The following RAB5IF variants were observed in gnomAD, a reference collection of about 807,000 sequenced individuals.
RAB5IF encodes the protein RAB5 interacting factor.
Under a neutral mutation model 20.3 loss-of-function variants are expected in RAB5IF, and 15 were observed. The ratio of observed to expected loss-of-function variants is 0.74; its 90% confidence interval spans 0.50 to 1.14. The LOEUF is 1.14. Ranked by LOEUF, RAB5IF falls within the 50% of genes most tolerant of loss-of-function variation. The probability of loss-of-function intolerance (pLI) is 0.00; values close to 1 mark genes in which losing one functional copy is unlikely to be tolerated. For missense variants in RAB5IF, 148 were observed against 159.5 expected, an observed-to-expected ratio of 0.93 and a Z score of 0.39; for synonymous variants, 67 against 63.7, an observed-to-expected ratio of 1.05 and a Z score of -0.25.
rs747875227 is a variant in RAB5IF, at chr20:36,612,153, A to C, written c.*102A>C. The C allele has an allele frequency of 1.9e-6, 3 of 1,614,176 alleles. No individual in the cohort carries two copies. Among genetic ancestry groups the C allele is most frequent in the South Asian group, 2.2e-5 (2 of 91,086 alleles). Reference sequence around the variant, plus strand: ...GGAACCCCAGCCCCTTGGAACTTGGAAGACCCGTGTTTCCTGGACCGCGAA... The same window carrying C: ...GGAACCCCAGCCCCTTGGAACTTGGCAGACCCGTGTTTCCTGGACCGCGAA... On this transcript the variant is annotated 3_prime_UTR_variant, in exon 4 of 4. Coordinates refer to ENST00000344795, the MANE Select transcript of RAB5IF (RefSeq NM_018840.5).
chr20:36,609,156 T>TACATACATACATACACACACACACAC, intron 2 of RAB5IF, among the ~76,000 whole-genome samples: 18 of 17,064 alleles, frequency 1.1e-3, no homozygotes, highest in African/African-American at 1.7e-3. Flanking sequence ...AGAACTATAT[T>TACATACATACATACACACACACACAC]ACACACACAC....
rs1555791227 is a variant in RAB5IF at position 36,612,419 on chromosome 20, T to TATCA, written c.*371_*374dup. The TATCA allele has an allele frequency of 9.4e-5, 58 of 619,554 alleles. No individual in the cohort carries two copies. In the Admixed American group the frequency reaches 1.0e-3, roughly 11 times the overall value. 38.4% of individuals were successfully genotyped at this position (619,554 alleles called of 1,614,324 possible). ...TCCATCGGGTGTAGAGTTTTTAAAC[T>TATCA]ATCAATGGCATTTCAAGTCTTCTGA... On this transcript the variant is annotated 3_prime_UTR_variant, in exon 4 of 4. Transcript: ENST00000344795.
rs1388960933 is a variant in RAB5IF, at chr20:36,609,213, A to G, written c.219-388A>G. On this transcript the variant is annotated intron_variant, in intron 2 of 3. Transcript: ENST00000344795. Reference sequence around the variant, plus strand: ...CACACACGCACACACGCACACACGCACACACGCACACACACACACACACAC... The same window carrying G: ...CACACACGCACACACGCACACACGCGCACACGCACACACACACACACACAC... Among the ~76,000 whole-genome samples, 9 of 76,226 alleles carry G rather than the reference A, an allele frequency of 1.2e-4. 1 individual carries two copies. In the South Asian group the frequency reaches 3.4e-3, roughly 29 times the overall value. The allele number at this position is 76,226 out of a possible 152,430, so 50.0% of individuals were successfully genotyped here. A position where few individuals can be genotyped will look rare whatever the true frequency, so the allele number is the denominator to read the frequency against.
chr20:36,607,565 G>A, intron 1 of RAB5IF, 150 bp from the exon 2 acceptor site: 1 of 811,916 alleles, frequency 1.2e-6, no homozygotes, highest in Non-Finnish European at 1.9e-6. Flanking sequence ...TTTAGTATAA[G>A]TAAGAGGTGA....
At chr20:36,610,440 A>G (rs1411140893) in intron 3 of RAB5IF, among the ~76,000 whole-genome samples, 1 of 151,634 alleles carries the variant, frequency 6.6e-6, no homozygotes, top group Non-Finnish European at 1.5e-5. Flanking sequence ...GGTCGCTCAC[A>G]CCTGTAATCC....
rs376099313 is a variant in RAB5IF at position 36,606,061 on chromosome 20, A to T, written c.110A>T (p.Asp37Val). The change falls in exon 1 of 4, where the codon GAT becomes GTT. Residue 37 changes from aspartate (D) to valine (V), a missense_variant. Transcript: ENST00000344795. ...CTGCGGAGCGACGCGGCCTGGGAGG[A>T]TAAGGTACGGTGGAGTCTGAACAGG... is the stretch of plus-strand genomic sequence containing the variant. ...KVLRSDAAWEDKDEFLDVIYW... is the reference protein window; with the variant it reads ...KVLRSDAAWEVKDEFLDVIYW... 42 of 1,495,822 alleles carry T rather than the reference A, an allele frequency of 2.8e-5. 1 individual carries two copies. The highest frequency in any genetic ancestry group is 1.7e-4 in the Admixed American group (8 of 46,564). 92.7% of individuals were successfully genotyped at this position (1,495,822 alleles called of 1,614,324 possible).
chr20:36,605,828 C>G lies in RAB5IF; in HGVS notation c.-124C>G. On this transcript the variant is annotated 5_prime_UTR_variant, in exon 1 of 4. Coordinates refer to ENST00000344795, the MANE Select transcript of RAB5IF (RefSeq NM_018840.5). ...TTGGCCAGGTTGTGAGGAACCGCAG[C>G]GCGCCGCAGGACCGGGCCGCTGAGC... 1 of 468,672 alleles carries G rather than the reference C, an allele frequency of 2.1e-6. No homozygotes were observed. Among genetic ancestry groups the G allele is most frequent in the Non-Finnish European group, 3.6e-6 (1 of 279,382 alleles). 29.0% of individuals were successfully genotyped at this position (468,672 alleles called of 1,614,324 possible).
At position 36,612,221 on chromosome 20, in the gene RAB5IF, T is replaced by C; in HGVS notation, c.*170T>C. On this transcript the variant is annotated 3_prime_UTR_variant, in exon 4 of 4. Coordinates refer to ENST00000344795, the MANE Select transcript of RAB5IF (RefSeq NM_018840.5). Reference sequence around the variant, plus strand: ...AGTGTTTTCTGCAAGGGTTGTGACCTGAAACTTTTTAAAAACCACCCACCT... The same window carrying C: ...AGTGTTTTCTGCAAGGGTTGTGACCCGAAACTTTTTAAAAACCACCCACCT... 1 of 1,613,770 alleles carries C rather than the reference T, an allele frequency of 6.2e-7. No homozygotes were observed. The highest frequency in any genetic ancestry group is 8.5e-7 in the Non-Finnish European group (1 of 1,179,642).
At chr20:36,608,247 T>C in intron 2 of RAB5IF, 1 of 270,980 alleles carries the variant, frequency 3.7e-6, no homozygotes, top group South Asian at 3.6e-5. Context: ...TTCAGGTCCC[T>C]CCATTTTGTT....
At chr20:36,611,649 T>C (rs1452346901) in intron 3 of RAB5IF, among the ~76,000 whole-genome samples, 2 of 152,138 alleles carry the variant, frequency 1.3e-5, no homozygotes, top group Non-Finnish European at 2.9e-5. Flanking sequence ...GAATCCCTGC[T>C]TTGATATGCA....
rs1436497708 is a variant in RAB5IF, at chr20:36,612,413, T to TTAAAC, written c.*365_*369dup. 5 of 631,342 alleles carry TTAAAC rather than the reference T, an allele frequency of 7.9e-6. No individual in the cohort carries two copies. The highest frequency in any genetic ancestry group is 5.5e-5 in the African/African-American group (3 of 54,206). 39.1% of individuals were successfully genotyped at this position (631,342 alleles called of 1,614,324 possible). A position where few individuals can be genotyped will look rare whatever the true frequency, so the allele number is the denominator to read the frequency against. ...CGATTCTCCATCGGGTGTAGAGTTT[T>TTAAAC]TAAACTATCAATGGCATTTCAAGTC... On this transcript the variant is annotated 3_prime_UTR_variant, in exon 4 of 4. Transcript: ENST00000344795.
chr20:36,606,011 C>G lies in RAB5IF; in HGVS notation c.60C>G (p.Leu20=). 14 of 1,529,728 alleles carry G rather than the reference C, an allele frequency of 9.2e-6. No individual in the cohort carries two copies. The highest frequency in any genetic ancestry group is 1.1e-5 in the Non-Finnish European group (13 of 1,135,642). The allele number at this position is 1,529,728 out of a possible 1,614,324, so 94.8% of individuals were successfully genotyped here. The change falls in exon 1 of 4, where the codon CTC becomes CTG. Residue 20 remains leucine, a synonymous_variant. Transcript: ENST00000344795. ...AGCCGCAGCTGGCCAACGGGGCCCTCAAAGTCTCCGTCTGGAGTAAGGTGC... is the reference window on the plus strand; with the variant it reads ...AGCCGCAGCTGGCCAACGGGGCCCTGAAAGTCTCCGTCTGGAGTAAGGTGC... ...PPQPQLANGA[L]KVSVWSKVLR... is the part of the protein sequence containing the mutation.
At chr20:36,607,970 T>C (rs1358714544) in intron 2 of RAB5IF, 152 bp downstream of exon 2, 1 of 1,501,496 alleles carries the variant, frequency 6.7e-7, no homozygotes, top group Non-Finnish European at 9.0e-7. Context: ...CACTCCTGGG[T>C]CTGGTGCACC....
chr20:36,609,241 ACACACACACACACAC>A lies in RAB5IF; in HGVS notation c.219-359_219-345del, dbSNP rs1568595721. On this transcript the variant is annotated intron_variant, in intron 2 of 3. Transcript: ENST00000344795. ...CACGCACACACACACACACACACAC[ACACACACACACACAC>A]TATATATAGAGTTTCGCTGTTGCCC... 2.1e-3 allele frequency among the ~76,000 whole-genome samples: 280 copies of A among 131,654 alleles called. 1 individual carries two copies. Among genetic ancestry groups the A allele is most frequent in the African/African-American group, 8.8e-3 (265 of 30,154 alleles). 86.4% of individuals were successfully genotyped at this position (131,654 alleles called of 152,430 possible). A position where few individuals can be genotyped will look rare whatever the true frequency, so the allele number is the denominator to read the frequency against.
intron 3 of RAB5IF, 132 bp from the exon 4 acceptor site, chr20:36,611,878 C>A (rs539183202): frequency 8.3e-6 from 10 of 1,198,308 alleles, no homozygotes; most frequent in Non-Finnish European, 1.2e-5. Context: ...ATTTAGACCC[C>A]CCAAGCAGAC....
intron 1 of RAB5IF, among the ~76,000 whole-genome samples, chr20:36,607,355 A>G (rs1406085102): frequency 6.6e-6 from 1 of 150,452 alleles, no homozygotes; most frequent in African/African-American, 2.5e-5. Flanking sequence ...CAGCCTCCCA[A>G]GTAGCTGGGA....
At chr20:36,610,745 G>C (rs1436653019) in intron 3 of RAB5IF, among the ~76,000 whole-genome samples, 1 of 151,872 alleles carries the variant, frequency 6.6e-6, no homozygotes, top group Non-Finnish European at 1.5e-5. Context: ...ATATAACATG[G>C]ATGAACCTTA....
In RAB5IF at chr20:36,609,238, C is replaced by T. The variant is rs1230552365; in HGVS notation, c.219-363C>T. ...ACACACGCACACACACACACACACA[C>T]ACACACACACACACACACTATATAT... On this transcript the variant is annotated intron_variant, in intron 2 of 3. Coordinates refer to ENST00000344795, the MANE Select transcript of RAB5IF (RefSeq NM_018840.5). 6.8e-3 allele frequency among the ~76,000 whole-genome samples: 900 copies of T among 132,256 alleles called. 20 individuals carry two copies. The highest frequency in any genetic ancestry group is 0.027 in the African/African-American group (851 of 31,082). 86.8% of individuals were successfully genotyped at this position (132,256 alleles called of 152,430 possible). A position where few individuals can be genotyped will look rare whatever the true frequency, so the allele number is the denominator to read the frequency against.
chr20:36,609,389 A>G (rs886347364), intron 2 of RAB5IF, among the ~76,000 whole-genome samples: 3 of 151,562 alleles, frequency 2.0e-5, no homozygotes, highest in African/African-American at 7.3e-5. Flanking sequence ...ACAGGCGCCC[A>G]CCACAATGCC....
Sources: allele counts gnomAD v4.1 joint callset (sites outside exome capture counted in the v4.1 genomes callset), GRCh38; gene constraint gnomAD v4.1.1; transcripts MANE v1.5; gene names NCBI Gene and HGNC (gene_info 2026-07-23, HGNC 2026-07-21).